The following ADGRL2 variants were observed in gnomAD, a reference collection of about 807,000 sequenced individuals.
ADGRL2 encodes adhesion G protein-coupled receptor L2.
In ADGRL2, 44 loss-of-function variants were observed where a neutral mutation model predicts 157.4. The observed-to-expected ratio is 0.28, with a 90% confidence interval of 0.22 to 0.36. The LOEUF is 0.36. Among genes scored for constraint, ADGRL2 ranks in the 10% least tolerant of loss-of-function variants. The probability of loss-of-function intolerance (pLI) is 1.00; values close to 1 mark genes in which losing one functional copy is unlikely to be tolerated. For synonymous variants in ADGRL2, 585 were observed against 624.7 expected (o/e 0.94, Z 0.95); for missense variants, 1,510 against 1,768.9 (o/e 0.85, Z 2.63).
chr1:81,448,709 A>G (rs1160689805), intron 2 of ADGRL2, among the ~76,000 whole-genome samples: 1 of 152,084 alleles, frequency 6.6e-6, no homozygotes, highest in African/African-American at 2.4e-5. Context: ...ACAGACAAAC[A>G]AAAAAACAAT....
chr1:81,629,365 A>T (rs957781511), intron 3 of ADGRL2, among the ~76,000 whole-genome samples: 17 of 152,250 alleles, frequency 1.1e-4, no homozygotes, highest in African/African-American at 4.1e-4. Flanking sequence ...ATAAAATCAG[A>T]TGTGACACTA....
chr1:81,367,946 G>A (rs1291366968), intron 1 of ADGRL2, among the ~76,000 whole-genome samples: 1 of 152,160 alleles, frequency 6.6e-6, no homozygotes, highest in Non-Finnish European at 1.5e-5. Context: ...ATTTGGATTT[G>A]TTCCATGACT....
At chr1:81,464,661 G>T (rs901530577) in intron 2 of ADGRL2, among the ~76,000 whole-genome samples, 40 of 152,016 alleles carry the variant, frequency 2.6e-4, no homozygotes, top group Admixed American at 2.0e-4. Context: ...CTTTTACCGT[G>T]GTTAATTGAT....
In ADGRL2 at chr1:81,984,467, G is replaced by A. The variant is rs150805190; in HGVS notation, c.3283-116G>A. The stretch of plus-strand genomic sequence containing the variant: ...TGCAAGTTCAATTTATTTTCTCCAC[G>A]GATAAGTTTTAGTGGAACTTTAATT... On this transcript the variant is annotated intron_variant, in intron 19 of 23. Coordinates refer to ENST00000686636, the MANE Select transcript of ADGRL2 (RefSeq NM_001366006.2). 1.2e-4 allele frequency: 126 copies of A among 1,088,336 alleles called. 1 individual carries two copies. In the African/African-American group the frequency reaches 1.6e-3, roughly 14 times the overall value. 67.4% of individuals were successfully genotyped at this position (1,088,336 alleles called of 1,614,324 possible).
intron 2 of ADGRL2, among the ~76,000 whole-genome samples, chr1:81,452,691 C>A (rs1358827813): frequency 6.6e-6 from 1 of 152,112 alleles, no homozygotes; most frequent in Non-Finnish European, 1.5e-5. Context: ...TTTTTCACAC[C>A]ACCTAAAAGA....
chr1:81,768,477 C>CT (rs1557635026), intron 2 of ADGRL2, among the ~76,000 whole-genome samples: 1 of 108,816 alleles, frequency 9.2e-6, no homozygotes, highest in African/African-American at 4.3e-5. Flanking sequence ...TATGAAGTAC[C>CT]TCTTTTTTTT....
Position 81,991,809 on chromosome 1 carries a change from C to A in ADGRL2, c.*664C>A, listed in dbSNP as rs549223772. On this transcript the variant is annotated 3_prime_UTR_variant, in exon 24 of 24. Coordinates refer to ENST00000686636, the MANE Select transcript of ADGRL2 (RefSeq NM_001366006.2). ...AGGGTAAAATAAATACATTTGTGTCCAACTGAAATATAATTGTCATTAAAA... is the reference window on the plus strand; with the variant it reads ...AGGGTAAAATAAATACATTTGTGTCAAACTGAAATATAATTGTCATTAAAA... The A allele has an allele frequency of 1.7e-4, 26 of 152,474 alleles. No individual in the cohort carries two copies. Among genetic ancestry groups the A allele is most frequent in the African/African-American group, 6.3e-4 (26 of 41,446 alleles). The allele number at this position is 152,474 out of a possible 1,614,324, so 9.4% of individuals were successfully genotyped here.
Position 81,686,609 on chromosome 1 carries a change from TTTTG to T in ADGRL2, c.-142-75190_-142-75187del, listed in dbSNP as rs776010285. 2.9e-4 allele frequency among the ~76,000 whole-genome samples: 44 copies of T among 152,278 alleles called. 2 individuals are homozygous for T. Among genetic ancestry groups the T allele is most frequent in the East Asian group, 1.2e-3 (6 of 5,182 alleles). ...TTTTGTTTCATTTAACTTTGGTATT[TTTTG>T]TTTGTTTGTTTCAGTTTCATTTAAT... On this transcript the variant is annotated intron_variant, in intron 3 of 24. Transcript: ENST00000370721.
intron 1 of ADGRL2, among the ~76,000 whole-genome samples, chr1:81,736,050 G>A (rs1286626218): frequency 6.6e-6 from 1 of 151,424 alleles, no homozygotes; most frequent in African/African-American, 2.4e-5. Context: ...GGCTGAGGCA[G>A]GAGAATGGCA....
chr1:81,428,095 A>G (rs1339956886), intron 1 of ADGRL2, among the ~76,000 whole-genome samples: 1 of 152,196 alleles, frequency 6.6e-6, no homozygotes, highest in Admixed American at 6.5e-5. Flanking sequence ...GTTAATTACT[A>G]TTTTGTATGA....
intron 1 of ADGRL2, among the ~76,000 whole-genome samples, chr1:81,399,545 C>A (rs1251267348): frequency 6.6e-6 from 1 of 151,816 alleles, no homozygotes; most frequent in Non-Finnish European, 1.5e-5. Flanking sequence ...AAGATTCATT[C>A]TTCTGCTTAA....
intron 19 of ADGRL2, among the ~76,000 whole-genome samples, 156 bp downstream of exon 19, chr1:81,982,132 A>G (rs895039122): frequency 6.7e-6 from 1 of 150,072 alleles, no homozygotes; most frequent in Non-Finnish European, 1.5e-5. Context: ...CTGAAAATTT[A>G]GGTTTCACCT....
chr1:81,391,233 G>A (rs1156471515), intron 1 of ADGRL2, among the ~76,000 whole-genome samples: 7 of 152,296 alleles, frequency 4.6e-5, no homozygotes, highest in Non-Finnish European at 1.0e-4. Context: ...TGTTGATATA[G>A]GAGTGACATG....
At chr1:81,465,840 T>A (rs2078041481) in intron 2 of ADGRL2, among the ~76,000 whole-genome samples, 1 of 152,194 alleles carries the variant, frequency 6.6e-6, no homozygotes, top group South Asian at 2.1e-4. Context: ...TGAAAGATGA[T>A]CATTAGTCCT....
chr1:81,596,917 C>A (rs1310147891), intron 3 of ADGRL2, among the ~76,000 whole-genome samples: 1 of 152,060 alleles, frequency 6.6e-6, no homozygotes, highest in Non-Finnish European at 1.5e-5. Flanking sequence ...TCTGCCTGTC[C>A]CCCATCTGTC....
chr1:81,408,990 A>C (rs1312177594), intron 1 of ADGRL2, among the ~76,000 whole-genome samples: 1 of 152,224 alleles, frequency 6.6e-6, no homozygotes, highest in Non-Finnish European at 1.5e-5. Flanking sequence ...TGTTAGAAGC[A>C]ATGTTCAGAC....
At chr1:81,868,714 A>G (rs1458278865) in intron 2 of ADGRL2, among the ~76,000 whole-genome samples, 3 of 152,100 alleles carry the variant, frequency 2.0e-5, no homozygotes, top group African/African-American at 7.2e-5. Flanking sequence ...TCATACCTAC[A>G]AAACTCTGTT....
chr1:81,789,664 TGCAGTGAGC>T (rs2087231753), intron 2 of ADGRL2, among the ~76,000 whole-genome samples: 1 of 143,968 alleles, frequency 6.9e-6, no homozygotes, highest in Non-Finnish European at 1.5e-5. Flanking sequence ...AGGTGGAGGT[TGCAGTGAGC>T]GCCTGGTGAC....
intron 2 of ADGRL2, among the ~76,000 whole-genome samples, chr1:81,843,731 C>T (rs1039385664): frequency 6.6e-6 from 1 of 152,136 alleles, no homozygotes; most frequent in Middle Eastern, 3.2e-3. Context: ...TAATCGGATA[C>T]ACTGGCATCT....
Sources: gnomAD v4.1 joint callset for allele counts (sites outside exome capture counted in the v4.1 genomes callset) on GRCh38, gnomAD v4.1.1 for gene constraint, MANE v1.5 for transcripts, NCBI Gene and HGNC (gene_info 2026-07-23, HGNC 2026-07-21) for gene names.